Variants in SOX6 observed in about 807,000 individuals in gnomAD.
SOX6 encodes the protein transcription factor SOX-6.
In SOX6, 11 loss-of-function variants were observed where a neutral mutation model predicts 97.8. The ratio of observed to expected loss-of-function variants is 0.11; its 90% CI spans 0.07 to 0.19. The LOEUF is 0.19. Ranked by LOEUF, SOX6 falls within the 10% of genes least tolerant of loss-of-function variation. The pLI, the probability that SOX6 is intolerant of heterozygous loss-of-function variation, is 1.00. For missense variants in SOX6, 810 were observed against 1,039.5 expected (o/e 0.78, Z 3.04); for synonymous variants, 360 against 371.4 (o/e 0.97, Z 0.35).
intron 3 of SOX6, among the ~76,000 whole-genome samples, chr11:16,306,611 CT>C (rs750981587): frequency 0.032 from 3,825 of 120,712 alleles, 106 homozygotes; most frequent in African/African-American, 0.085. Context: ...CCTCAAATTT[CT>C]TTTTTTTTTT....
chr11:16,115,305 C>T (rs1035494065), intron 6 of SOX6, among the ~76,000 whole-genome samples: 1 of 152,152 alleles, frequency 6.6e-6, no homozygotes, highest in South Asian at 2.1e-4. Context: ...TTAAACTCTA[C>T]CCCATACCTA....
At chr11:16,545,992 G>A (rs1847616640) in intron 4 of SOX6, among the ~76,000 whole-genome samples, 1 of 151,890 alleles carries the variant, frequency 6.6e-6, no homozygotes, top group Non-Finnish European at 1.5e-5. Flanking sequence ...TAATAAAGAA[G>A]TTCAATAAAG....
chr11:16,646,156 C>T (rs1849010618), intron 3 of SOX6: 1 of 152,114 alleles, frequency 6.6e-6, no homozygotes, highest in Admixed American at 6.6e-5. Context: ...AGAGAAAAAG[C>T]ACAAGAGTTC....
chr11:16,676,099 A>T (rs1355557200), intron 3 of SOX6, among the ~76,000 whole-genome samples: 3 of 152,090 alleles, frequency 2.0e-5, no homozygotes, highest in Admixed American at 2.0e-4. Flanking sequence ...ATTTTCATTC[A>T]TTCATTTTCC....
intron 4 of SOX6, among the ~76,000 whole-genome samples, chr11:16,525,472 A>T (rs1326586591): frequency 6.6e-6 from 1 of 152,144 alleles, no homozygotes; most frequent in African/African-American, 2.4e-5. Flanking sequence ...ACCTTATACA[A>T]AAATCAATTC....
In SOX6 at chr11:16,318,651, T is replaced by C; in HGVS notation, c.240A>G (p.Glu80=). The C allele has an allele frequency of 6.2e-7, 1 of 1,611,088 alleles. No homozygotes were observed. The highest frequency in any genetic ancestry group is 8.5e-7 in the Non-Finnish European group (1 of 1,177,690). ...DSVLSSQQRM[E]SENNKLCSLY... The stretch of plus-strand genomic sequence containing the variant: ...GGGAACATAACTTATTATTCTCTGA[T>C]TCCTAGAAAAATAAAATAAAATAAA... Residue 80 remains glutamate, a splice_region_variant and synonymous_variant, in exon 3 of 16, where the codon GAA becomes GAG. Coordinates refer to ENST00000683767, the MANE Select transcript of SOX6 (RefSeq NM_001367873.1).
intron 4 of SOX6, among the ~76,000 whole-genome samples, chr11:16,196,435 AT>A (rs1328247605): frequency 6.6e-6 from 1 of 152,226 alleles, no homozygotes; most frequent in Admixed American, 6.5e-5. Flanking sequence ...CTTATAATCT[AT>A]TTTTAAGGAT....
intron 1 of SOX6, chr11:16,434,000 T>C (rs929051261): frequency 6.6e-6 from 1 of 152,076 alleles, no homozygotes; most frequent in African/African-American, 2.4e-5. Context: ...TTAGGCCACA[T>C]CACTTTCTCA....
chr11:16,549,982 A>G (rs1369881430), intron 4 of SOX6, among the ~76,000 whole-genome samples: 1 of 152,170 alleles, frequency 6.6e-6, no homozygotes, highest in Non-Finnish European at 1.5e-5. Flanking sequence ...GCCTTTGGAG[A>G]TGATGAAAAT....
intron 6 of SOX6, among the ~76,000 whole-genome samples, chr11:16,117,463 C>T (rs1849378535): frequency 6.6e-6 from 1 of 152,104 alleles, no homozygotes; most frequent in Non-Finnish European, 1.5e-5. Flanking sequence ...TCAGTATGAC[C>T]CAATGCAAGT....
chr11:16,586,272 A>AT (rs1226851116), intron 4 of SOX6, among the ~76,000 whole-genome samples: 2 of 152,172 alleles, frequency 1.3e-5, no homozygotes, highest in Admixed American at 6.6e-5. Flanking sequence ...CAGGAAAAAA[A>AT]AATAACATAA....
At chr11:16,554,916 G>A (rs1305081320) in intron 4 of SOX6, among the ~76,000 whole-genome samples, 1 of 151,898 alleles carries the variant, frequency 6.6e-6, no homozygotes, top group Non-Finnish European at 1.5e-5. Context: ...GTGATATAAT[G>A]ACAGGGGAAA....
At chr11:16,604,299 C>T (rs554286147) in intron 4 of SOX6, among the ~76,000 whole-genome samples, 48 of 152,340 alleles carry the variant, frequency 3.2e-4, no homozygotes, top group African/African-American at 1.1e-3. Flanking sequence ...CCGACCTGAC[C>T]ACTTGACCTT....
intron 4 of SOX6, among the ~76,000 whole-genome samples, chr11:16,522,311 G>C (rs1249560936): frequency 6.6e-6 from 1 of 152,086 alleles, no homozygotes. Flanking sequence ...CCAGAAGACA[G>C]TGGGGGCCAA....
intron 3 of SOX6, among the ~76,000 whole-genome samples, chr11:16,281,899 G>A (rs1854574473): frequency 6.7e-6 from 1 of 149,840 alleles, no homozygotes; most frequent in Admixed American, 6.7e-5. Context: ...AAATATAAAC[G>A]TTAACATAAA....
intron 1 of SOX6, among the ~76,000 whole-genome samples, chr11:16,428,519 G>A (rs575423434): frequency 1.5e-3 from 233 of 152,248 alleles, no homozygotes; most frequent in Admixed American, 2.5e-3. Flanking sequence ...GTAAGGAAGG[G>A]ATCCAGTTTC....
intron 8 of SOX6, 120 bp from the exon 9 acceptor site, chr11:16,096,238 A>C (rs1032516030): frequency 1.6e-6 from 2 of 1,219,506 alleles, no homozygotes; most frequent in African/African-American, 3.1e-5. Flanking sequence ...GAAAGTAGAA[A>C]GTTTAAGACT....
At chr11:16,631,623 C>T (rs577430090) in intron 3 of SOX6, among the ~76,000 whole-genome samples, 30 of 152,294 alleles carry the variant, frequency 2.0e-4, no homozygotes, top group South Asian at 1.9e-3. Flanking sequence ...GGATGTCTAC[C>T]TCTCTAGCAA....
At position 16,733,089 on chromosome 11, in the gene SOX6, T is replaced by C. The variant is rs114393586; in HGVS notation, n.353+3250A>G. On this transcript the variant is annotated intron_variant and non_coding_transcript_variant, in intron 2 of 5. Transcript: ENST00000524520. ...AAGTCAAGAAACAACAGATGCTGGA[T>C]AGAATGTGGAGAAATAGGAACGCTT... is the stretch of plus-strand genomic sequence containing the variant. Among the ~76,000 whole-genome samples, 475 of 152,232 alleles carry C rather than the reference T, an allele frequency of 3.1e-3. 4 individuals carry two copies. The highest frequency in any genetic ancestry group is 0.011 in the African/African-American group (448 of 41,546).
Sources: allele counts gnomAD v4.1 joint callset (sites outside exome capture counted in the v4.1 genomes callset), GRCh38; gene constraint gnomAD v4.1.1; transcripts MANE v1.5; gene names NCBI Gene and HGNC (gene_info 2026-07-23, HGNC 2026-07-21).